Variants in CATSPERD observed in about 807,000 individuals in gnomAD.
CATSPERD encodes the protein catsper channel auxiliary subunit delta, also known as cation channel sperm-associated auxiliary subunit delta.
In CATSPERD, 86 loss-of-function variants were observed where a neutral mutation model predicts 98.1. The ratio of observed to expected loss-of-function variants is 0.88; its 90% CI spans 0.74 to 1.05. The LOEUF is 1.05. Among genes scored for constraint, CATSPERD ranks in the 50% least tolerant of loss-of-function variants. CATSPERD has a pLI of 0.00. For synonymous variants in CATSPERD, 394 were observed against 390.2 expected, an observed-to-expected ratio of 1.01 and a Z score of -0.12; for missense variants, 995 against 1,005.7, an observed-to-expected ratio of 0.99 and a Z score of 0.14.
chr19:5,724,682 G>A, intron 1 of CATSPERD, 126 bp from the exon 2 acceptor site: 1 of 919,920 alleles, frequency 1.1e-6, no homozygotes, highest in East Asian at 2.5e-5. Context: ...CTGGGCGACA[G>A]AGTGAGACTC....
intron 3 of CATSPERD, among the ~76,000 whole-genome samples, chr19:5,728,189 C>G (rs112054625): frequency 6.6e-6 from 1 of 151,382 alleles, no homozygotes; most frequent in Non-Finnish European, 1.5e-5. Flanking sequence ...GAAACCCCGT[C>G]TCTACTAAAA....
intron 20 of CATSPERD, among the ~76,000 whole-genome samples, chr19:5,774,307 T>C (rs917110701): frequency 3.9e-5 from 6 of 152,160 alleles, no homozygotes; most frequent in Non-Finnish European, 7.3e-5. Flanking sequence ...ATATGGGCTG[T>C]CTCATTGCAA....
At position 5,759,124 on chromosome 19, in the gene CATSPERD, C is replaced by A; in HGVS notation, c.1407C>A (p.Thr469=). Residue 469 remains threonine (T), a synonymous_variant, in exon 15 of 22, where the codon ACC becomes ACA. Transcript: ENST00000381624. ...FLKQQQHWGR[T]DSNFTSSLKK... ...AACAGCAGCAGCACTGGGGCAGGACCGACTCCAACTTCACTTCCAGGTATG... is the reference window on the plus strand; with the variant it reads ...AACAGCAGCAGCACTGGGGCAGGACAGACTCCAACTTCACTTCCAGGTATG... 1 of 1,613,836 alleles carries A rather than the reference C, an allele frequency of 6.2e-7. No homozygotes were observed. The highest frequency in any genetic ancestry group is 8.5e-7 in the Non-Finnish European group (1 of 1,179,940).
In CATSPERD at chr19:5,746,012, G is replaced by A; in HGVS notation, c.757G>A (p.Gly253Ser). 6.2e-7 allele frequency: 1 copy of A among 1,614,148 alleles called. No homozygotes were observed. The highest frequency in any genetic ancestry group is 8.5e-7 in the Non-Finnish European group (1 of 1,180,020). Residue 253 changes from glycine to serine, a missense_variant, in exon 9 of 22, where the codon GGC (glycine) becomes AGC (serine). Transcript: ENST00000381624. ...CATCCTCATCGCCCCCGGCCAGAGA[G>A]GCATCCTGCTCCTATGGTTTGAGAA... ...LDILIAPGQR[G>S]ILLLWFENSL...
intron 5 of CATSPERD, among the ~76,000 whole-genome samples, 188 bp from the exon 6 acceptor site, chr19:5,736,950 A>G (rs1032120372): frequency 1.3e-5 from 2 of 150,046 alleles, no homozygotes; most frequent in Non-Finnish European, 3.0e-5. Flanking sequence ...CCAGCTACTC[A>G]GGAGGCTGAG....
intron 9 of CATSPERD, 102 bp downstream of exon 9, chr19:5,746,165 A>C (rs1292937185): frequency 1.6e-6 from 2 of 1,259,858 alleles, no homozygotes; most frequent in Non-Finnish European, 2.2e-6. Flanking sequence ...CCCCTCGACC[A>C]CTCGGTTATT....
At position 5,778,410 on chromosome 19, in the gene CATSPERD, G is replaced by A. The variant is rs1266843367; in HGVS notation, c.2131G>A (p.Val711Met). 7.4e-6 allele frequency: 12 copies of A among 1,613,314 alleles called. No individual in the cohort carries two copies. The highest frequency in any genetic ancestry group is 1.3e-5 in the African/African-American group (1 of 74,994). The change falls in exon 22 of 22, where the codon GTG becomes ATG. Residue 711 changes from valine (V) to methionine (M), a missense_variant. Val to Met is a conservative substitution (Grantham distance 21, BLOSUM62 1). Coordinates refer to ENST00000381624, the MANE Select transcript of CATSPERD (RefSeq NM_152784.4). ...ACTGGAGACCATCTTTAGCATCTACGTGTATGGAGCATTCCCCGTGCAGCT... is the reference window on the plus strand; with the variant it reads ...ACTGGAGACCATCTTTAGCATCTACATGTATGGAGCATTCCCCGTGCAGCT... ...CQLETIFSIY[V>M]YGAFPVQLVS...
intron 18 of CATSPERD, among the ~76,000 whole-genome samples, chr19:5,770,166 C>A (rs1323180048): frequency 6.7e-6 from 1 of 149,560 alleles, no homozygotes; most frequent in Non-Finnish European, 1.5e-5. Flanking sequence ...AGTGGGTCAC[C>A]CCTGTAATCC....
chr19:5,726,662 G>A (rs1847698843), intron 2 of CATSPERD, among the ~76,000 whole-genome samples: 3 of 152,108 alleles, frequency 2.0e-5, no homozygotes, highest in South Asian at 4.2e-4. Flanking sequence ...GATTACAGAC[G>A]TGAGCCACCG....
chr19:5,733,007 CTT>C (rs901848509), intron 4 of CATSPERD, among the ~76,000 whole-genome samples: 1 of 144,938 alleles, frequency 6.9e-6, no homozygotes, highest in African/African-American at 2.5e-5. Context: ...CTTTCTTTTT[CTT>C]TTTTTTTTCA....
chr19:5,743,492 A>C (rs1324291150), intron 7 of CATSPERD, among the ~76,000 whole-genome samples: 2 of 147,000 alleles, frequency 1.4e-5, no homozygotes, highest in African/African-American at 2.5e-5. Flanking sequence ...CAGCTACTTG[A>C]GATGGGGAGG....
intron 9 of CATSPERD, among the ~76,000 whole-genome samples, chr19:5,746,357 C>T (rs1257926278): frequency 6.6e-6 from 1 of 152,164 alleles, no homozygotes; most frequent in Non-Finnish European, 1.5e-5. Flanking sequence ...TAGGTCGCGT[C>T]TGGGAAAAAC....
intron 12 of CATSPERD, among the ~76,000 whole-genome samples, chr19:5,753,327 A>G (rs376338404): frequency 1.3e-4 from 20 of 151,900 alleles, no homozygotes; most frequent in African/African-American, 4.8e-4. Context: ...TTGGGAGGCT[A>G]AGGTGGGTGG....
At chr19:5,755,603 G>C (rs1405545999) in intron 13 of CATSPERD, among the ~76,000 whole-genome samples, 1 of 151,548 alleles carries the variant, frequency 6.6e-6, no homozygotes, top group Non-Finnish European at 1.5e-5. Context: ...GACTCCATCT[G>C]TACAAAAAAC....
At chr19:5,771,690 C>A (rs150921069) in intron 19 of CATSPERD, among the ~76,000 whole-genome samples, 1 of 151,928 alleles carries the variant, frequency 6.6e-6, no homozygotes, top group African/African-American at 2.4e-5. Flanking sequence ...CCTGCCTCAG[C>A]CTCCCGAGTA....
intron 16 of CATSPERD, 23 bp downstream of exon 16, chr19:5,763,316 C>G: frequency 6.3e-7 from 1 of 1,594,732 alleles, no homozygotes; most frequent in Non-Finnish European, 8.6e-7. Context: ...TCTTTGCTGT[C>G]CCATATTCGG....
At chr19:5,777,341 C>T (rs1031717719) in intron 21 of CATSPERD, among the ~76,000 whole-genome samples, 5 of 152,142 alleles carry the variant, frequency 3.3e-5, no homozygotes, top group Non-Finnish European at 5.9e-5. Context: ...GGGACTCTCC[C>T]GTGCCACAGG....
chr19:5,746,186 C>T, intron 9 of CATSPERD, 123 bp downstream of exon 9: 1 of 1,054,632 alleles, frequency 9.5e-7, no homozygotes, highest in Non-Finnish European at 1.4e-6. Context: ...TTTTCTCTTC[C>T]ATGTTCAGAG....
chr19:5,772,780 T>C lies in CATSPERD; in HGVS notation c.1764-8T>C. Reference sequence around the variant, plus strand: ...CCTGCACAGCCCTGCCCCGTGCCTGTGTCCTAGGTGGCGAAAAGACAGTTT... The same window carrying C: ...CCTGCACAGCCCTGCCCCGTGCCTGCGTCCTAGGTGGCGAAAAGACAGTTT... On this transcript the variant is annotated splice_polypyrimidine_tract_variant and splice_region_variant and intron_variant, in intron 19 of 21. Coordinates refer to ENST00000381624, the MANE Select transcript of CATSPERD (RefSeq NM_152784.4). 1.9e-6 allele frequency: 3 copies of C among 1,612,586 alleles called. No individual in the cohort carries two copies. Among genetic ancestry groups the C allele is most frequent in the African/African-American group, 1.3e-5 (1 of 75,026 alleles).
Sources: gnomAD v4.1 joint callset for allele counts (sites outside exome capture counted in the v4.1 genomes callset) on GRCh38, gnomAD v4.1.1 for gene constraint, MANE v1.5 for transcripts, NCBI Gene and HGNC (gene_info 2026-07-23, HGNC 2026-07-21) for gene names.